DENND2A: variants seen among roughly 807,000 people sequenced by gnomAD.
The protein encoded by DENND2A is DENN domain containing 2A, also known as DENN domain-containing protein 2A.
In DENND2A, 53 loss-of-function variants were observed where a neutral mutation model predicts 105.3. The ratio of observed to expected loss-of-function variants is 0.50; its 90% CI spans 0.40 to 0.63. The LOEUF (loss-of-function observed/expected upper bound fraction) is 0.63, where lower values mean the gene tolerates loss of function less well. DENND2A is among the 30% of genes least tolerant of loss of function. DENND2A has a pLI of 0.00. For synonymous variants in DENND2A, 522 were observed against 508.4 expected (o/e 1.03, Z -0.36); for missense variants, 1,138 against 1,279.6 (o/e 0.89, Z 1.69).
In DENND2A at chr7:140,544,425, T is replaced by C. The variant is rs114350181; in HGVS notation, c.2327+193A>G. 4,664 of 688,548 alleles carry C rather than the reference T, an allele frequency of 6.8e-3. 165 individuals are homozygous for C. In the African/African-American group the frequency reaches 0.074, roughly 11 times the overall value. 42.7% of individuals were successfully genotyped at this position (688,548 alleles called of 1,614,324 possible). On this transcript the variant is annotated intron_variant, in intron 14 of 19. Coordinates refer to ENST00000496613, the MANE Select transcript of DENND2A (RefSeq NM_015689.5). ...GCACAGGCTGGCCTCGAACTCCTGG[T>C]CTCAAGTGATCCACCCACCTCAGCC...
chr7:140,577,683 C>A (rs1243881239), intron 5 of DENND2A, among the ~76,000 whole-genome samples: 2 of 152,140 alleles, frequency 1.3e-5, no homozygotes. Context: ...TAGGCGTGAT[C>A]CACCGCGCCC....
intron 3 of DENND2A, among the ~76,000 whole-genome samples, chr7:140,594,092 G>A (rs138760151): frequency 9.9e-4 from 150 of 151,988 alleles, no homozygotes; most frequent in African/African-American, 3.5e-3. Flanking sequence ...ATATTTACCC[G>A]AAACGAGGTT....
Position 140,573,870 on chromosome 7 carries a change from C to G in DENND2A, c.1384G>C (p.Asp462His). The change falls in exon 6 of 20, where the codon GAT becomes CAT. Residue 462 changes from aspartate (D) to histidine (H), a missense_variant. Around this residue, in one of 2 missense-constraint regions of DENND2A, gnomAD observed 627 missense variants for 779.8 expected, o/e 0.80. Coordinates refer to ENST00000496613, the MANE Select transcript of DENND2A (RefSeq NM_015689.5). ...ISPPSTPSSP[D>H]DIFFNLGDPQ... ...TCTCCAAGGTTAAAGAAAATGTCAT[C>G]AGGGCTGCTGGGAGTGGAGGGAGGG... The G allele has an allele frequency of 1.2e-6, 2 of 1,614,092 alleles. No homozygotes were observed. The highest frequency in any genetic ancestry group is 1.3e-5 in the African/African-American group (1 of 75,038).
At chr7:140,534,271 G>C (rs1180113137) in intron 14 of DENND2A, among the ~76,000 whole-genome samples, 1 of 151,374 alleles carries the variant, frequency 6.6e-6, no homozygotes, top group Non-Finnish European at 1.5e-5. Flanking sequence ...TCTTAGTAGA[G>C]ACGGGGTTTC....
intron 1 of DENND2A, among the ~76,000 whole-genome samples, chr7:140,614,500 C>T (rs1050470420): frequency 2.0e-5 from 3 of 152,202 alleles, no homozygotes; most frequent in Non-Finnish European, 2.9e-5. Flanking sequence ...CTGCCTCAGT[C>T]ATTTTTTGGT....
At chr7:140,641,027 G>T (rs1464195256), upstream of DENND2A, among the ~76,000 whole-genome samples, 1 of 152,170 alleles carries the variant, frequency 6.6e-6, no homozygotes, top group Admixed American at 6.5e-5. Flanking sequence ...CGCCCGCCGC[G>T]CGCGGGCTCC....
At position 140,640,148 on chromosome 7, in the gene DENND2A, A is replaced by C. The variant is rs1051411962; in HGVS notation, c.-248+356T>G. On this transcript the variant is annotated intron_variant, in intron 1 of 19. Coordinates refer to ENST00000496613, the MANE Select transcript of DENND2A (RefSeq NM_015689.5). The surrounding 1 kb of genome is among the most constrained non-coding windows in gnomAD (Gnocchi z 4.9). ...AGACACACTCACACACAGACACACAAGCGCGCACACACACACACGCGCGCG... is the reference window on the plus strand; with the variant it reads ...AGACACACTCACACACAGACACACACGCGCGCACACACACACACGCGCGCG... 6.6e-6 allele frequency: 1 copy of C among 150,680 alleles called. No homozygotes were observed. Among genetic ancestry groups the C allele is most frequent in the South Asian group, 2.1e-4 (1 of 4,812 alleles). 9.3% of individuals were successfully genotyped at this position (150,680 alleles called of 1,614,324 possible).
At chr7:140,622,978 C>T (rs1207714473) in intron 1 of DENND2A, among the ~76,000 whole-genome samples, 1 of 152,124 alleles carries the variant, frequency 6.6e-6, no homozygotes, top group Non-Finnish European at 1.5e-5. Flanking sequence ...TAGCCTGGCC[C>T]AGGAAGTTTG....
At chr7:140,583,737 G>GC (rs751846011) in intron 5 of DENND2A, among the ~76,000 whole-genome samples, 1 of 148,606 alleles carries the variant, frequency 6.7e-6, no homozygotes, top group South Asian at 2.1e-4. Context: ...AGACCATCCT[G>GC]TGAATGGTGA....
chr7:140,620,750 G>C (rs146375564), intron 1 of DENND2A, among the ~76,000 whole-genome samples: 31 of 152,252 alleles, frequency 2.0e-4, no homozygotes, highest in Non-Finnish European at 1.6e-4. Flanking sequence ...CTGAAGGGAA[G>C]GCTAAGTGAT....
At chr7:140,623,756 C>G (rs533116205) in intron 1 of DENND2A, among the ~76,000 whole-genome samples, 2 of 150,960 alleles carry the variant, frequency 1.3e-5, no homozygotes, top group Non-Finnish European at 2.9e-5. Context: ...GAAAGTGTCA[C>G]AACAGGAAGA....
intron 1 of DENND2A, among the ~76,000 whole-genome samples, chr7:140,617,737 T>C (rs545171344): frequency 3.2e-4 from 49 of 152,152 alleles, no homozygotes; most frequent in African/African-American, 1.1e-3. Flanking sequence ...CAAAAACAAC[T>C]TGATCAGTAT....
At position 140,602,436 on chromosome 7, in the gene DENND2A, G is replaced by C. The variant is rs1172882896; in HGVS notation, c.-39C>G. ...GTGAGGTTGTGGAGGCCTTCCAGGG[G>C]ACTCCTTCTGAAGCCTGACTCCTGA... On this transcript the variant is annotated 5_prime_UTR_variant, in exon 3 of 20. Transcript: ENST00000496613. 2.5e-5 allele frequency: 38 copies of C among 1,510,174 alleles called. No homozygotes were observed. Among genetic ancestry groups the C allele is most frequent in the Non-Finnish European group, 3.3e-5 (38 of 1,135,406 alleles). The allele number at this position is 1,510,174 out of a possible 1,614,324, so 93.5% of individuals were successfully genotyped here.
intron 5 of DENND2A, among the ~76,000 whole-genome samples, chr7:140,584,953 C>T (rs536439976): frequency 6.6e-6 from 1 of 152,194 alleles, no homozygotes; most frequent in Non-Finnish European, 1.5e-5. Context: ...AATCCCAGCA[C>T]TTTGGGAGGC....
At chr7:140,584,849 T>A (rs557278304) in intron 5 of DENND2A, among the ~76,000 whole-genome samples, 66 of 152,310 alleles carry the variant, frequency 4.3e-4, no homozygotes, top group South Asian at 1.0e-3. Flanking sequence ...TTATTTCATT[T>A]AAAAAAACCC....
intron 4 of DENND2A, among the ~76,000 whole-genome samples, chr7:140,586,456 G>A (rs1291595311): frequency 6.6e-6 from 1 of 152,020 alleles, no homozygotes. Flanking sequence ...CTACTTGGGA[G>A]GCTGAGGCAG....
At chr7:140,605,835 A>G (rs1799669212) in intron 1 of DENND2A, 29 bp from the exon 2 acceptor site, 2 of 152,300 alleles carry the variant, frequency 1.3e-5, no homozygotes, top group Admixed American at 6.6e-5. Context: ...ACACCCAGTG[A>G]GCCATGACAG....
At chr7:140,547,692 T>C (rs1796963183) in intron 12 of DENND2A, among the ~76,000 whole-genome samples, 1 of 152,166 alleles carries the variant, frequency 6.6e-6, no homozygotes, top group South Asian at 2.1e-4. Flanking sequence ...CATGATTGTC[T>C]GTAGCGGCAT....
rs768671981 is a variant in DENND2A, at chr7:140,544,728, C to T, written c.2217G>A (p.Glu739=). The change falls in exon 14 of 20, where the codon GAG becomes GAA. Residue 739 remains glutamate, a synonymous_variant. Coordinates refer to ENST00000496613, the MANE Select transcript of DENND2A (RefSeq NM_015689.5). ...ELCRPLDSRL[E]HVDFESLFSS... ...AGAAGAGAGACTCAAAGTCCACGTG[C>T]TCGAGCCGGGAGTCCAGCGGGCGGC... is the stretch of plus-strand genomic sequence containing the variant. The T allele has an allele frequency of 1.2e-6, 2 of 1,604,624 alleles. No individual in the cohort carries two copies. The highest frequency in any genetic ancestry group is 1.7e-6 in the Non-Finnish European group (2 of 1,175,838).
Sources: gnomAD v4.1 joint callset for allele counts (sites outside exome capture counted in the v4.1 genomes callset) on GRCh38, gnomAD v4.1.1 for gene constraint, gnomAD v4.1.1 regional missense constraint, Gnocchi (gnomAD v3.1) non-coding constraint, MANE v1.5 for transcripts, NCBI Gene and HGNC (gene_info 2026-07-23, HGNC 2026-07-21) for gene names.